Variants in IQCK observed in about 807,000 individuals in gnomAD.
The protein encoded by IQCK is IQ domain-containing protein K.
In IQCK, 29 loss-of-function variants were observed where a neutral mutation model predicts 28.1. That is an observed-to-expected ratio of 1.03 (90% confidence interval 0.77 to 1.41). The LOEUF (loss-of-function observed/expected upper bound fraction) is 1.41. Among genes scored for constraint, IQCK ranks in the 40% most tolerant of loss-of-function variants. The probability of loss-of-function intolerance (pLI) is 0.00; values close to 1 mark genes in which losing one functional copy is unlikely to be tolerated. For missense variants in IQCK, 359 were observed against 314.7 expected (o/e 1.14, Z -1.07); for synonymous variants, 113 against 115.1 (o/e 0.98, Z 0.12).
intron 6 of IQCK, among the ~76,000 whole-genome samples, chr16:19,765,464 G>A (rs936814051): frequency 6.6e-6 from 1 of 151,964 alleles, no homozygotes; most frequent in Non-Finnish European, 1.5e-5. Context: ...CTTGAACCCG[G>A]GTGGTAGAGG....
chr16:19,819,556 C>A, intron 7 of IQCK: 1 of 160,176 alleles, frequency 6.2e-6, no homozygotes, highest in East Asian at 1.6e-4. Context: ...AGAATGTATT[C>A]TATAGACAAT....
At chr16:19,729,617 ATTATT>A (rs1372364027) in intron 1 of IQCK, among the ~76,000 whole-genome samples, 2 of 151,672 alleles carry the variant, frequency 1.3e-5, no homozygotes, top group South Asian at 2.1e-4. Context: ...TACCGACTTT[ATTATT>A]TTATTTTATT....
intron 7 of IQCK, among the ~76,000 whole-genome samples, chr16:19,806,022 A>G (rs1475288023): frequency 6.6e-6 from 1 of 152,212 alleles, no homozygotes; most frequent in Non-Finnish European, 1.5e-5. Context: ...TCCGGTAGTC[A>G]GAAATGCAAA....
In IQCK at chr16:19,855,468, G is replaced by GT. The variant is rs571284673; in HGVS notation, c.803-1018dup. ...TAGCAGGGCGTGGTGGTGCACGCCT[G>GT]TAGCTACTTGGGATGCTGAGGCAGG... On this transcript the variant is annotated intron_variant, in intron 9 of 9. Coordinates refer to the IQCK transcript ENST00000320394. 8.4e-4 allele frequency among the ~76,000 whole-genome samples: 128 copies of GT among 152,292 alleles called. 1 individual carries two copies. The highest frequency in any genetic ancestry group is 2.9e-3 in the African/African-American group (120 of 41,566).
At chr16:19,787,128 G>T (rs1567557336) in intron 6 of IQCK, among the ~76,000 whole-genome samples, 1 of 15,900 alleles carries the variant, frequency 6.3e-5, no homozygotes, top group Non-Finnish European at 1.0e-4. Flanking sequence ...TTTTAAGTCA[G>T]AGTTTTTGGA....
chr16:19,848,751 TGG>T (rs930506460), intron 9 of IQCK, among the ~76,000 whole-genome samples: 1 of 152,118 alleles, frequency 6.6e-6, no homozygotes, highest in African/African-American at 2.4e-5. Flanking sequence ...GGGGCAGAGG[TGG>T]GGTATCATCC....
intron 2 of IQCK, among the ~76,000 whole-genome samples, chr16:19,731,352 C>T (rs958212162): frequency 6.6e-6 from 1 of 152,204 alleles, no homozygotes; most frequent in Non-Finnish European, 1.5e-5. Context: ...CACGGTAACA[C>T]GGATGGAATC....
chr16:19,852,366 A>C (rs1310009005), intron 9 of IQCK, among the ~76,000 whole-genome samples: 1 of 152,092 alleles, frequency 6.6e-6, no homozygotes, highest in Non-Finnish European at 1.5e-5. Context: ...GCACCACTGC[A>C]CTCCAGCCTG....
At chr16:19,753,052 CAG>C (rs111298371) in intron 4 of IQCK, among the ~76,000 whole-genome samples, 737 of 146,640 alleles carry the variant, frequency 5.0e-3, no homozygotes, top group Non-Finnish European at 4.1e-3. Flanking sequence ...TCAAGTGTAG[CAG>C]AGAGAGAGAG....
chr16:19,849,274 T>A (rs2056451312), intron 9 of IQCK, among the ~76,000 whole-genome samples: 1 of 151,640 alleles, frequency 6.6e-6, no homozygotes, highest in Admixed American at 6.6e-5. Flanking sequence ...TTTTTTTTTT[T>A]TATGTATTTG....
At chr16:19,728,480 C>T (rs1474123263) in intron 1 of IQCK, among the ~76,000 whole-genome samples, 1 of 152,140 alleles carries the variant, frequency 6.6e-6, no homozygotes, top group Non-Finnish European at 1.5e-5. Flanking sequence ...AAACTCCTGA[C>T]CTCAAGTGAT....
intron 1 of IQCK, among the ~76,000 whole-genome samples, chr16:19,730,004 G>A (rs1002474226): frequency 2.0e-5 from 3 of 151,112 alleles, no homozygotes; most frequent in Non-Finnish European, 4.4e-5. Flanking sequence ...CAGGCTGGCT[G>A]GAGTGCAGTG....
chr16:19,806,457 G>A lies in IQCK; in HGVS notation c.690+17535G>A, dbSNP rs147078237. On this transcript the variant is annotated intron_variant, in intron 7 of 7. Coordinates refer to ENST00000564186, the Ensembl canonical transcript of IQCK. ...TTTCAGCACTTTGGGAGGCTGAGGC[G>A]GGCAAATCACTTGAGTACAGGAGTT... Among the ~76,000 whole-genome samples, 647 of 152,114 alleles carry A rather than the reference G, an allele frequency of 4.3e-3. 1 individual carries two copies. The highest frequency in any genetic ancestry group is 7.0e-3 in the Non-Finnish European group (478 of 67,992).
At chr16:19,779,017 CTG>C (rs1453520314) in intron 6 of IQCK, among the ~76,000 whole-genome samples, 1 of 152,186 alleles carries the variant, frequency 6.6e-6, no homozygotes, top group Non-Finnish European at 1.5e-5. Context: ...GAGTCTCACT[CTG>C]TTGCCCAGGC....
At chr16:19,724,082 T>C (rs1401520444) in intron 1 of IQCK, among the ~76,000 whole-genome samples, 4 of 152,218 alleles carry the variant, frequency 2.6e-5, no homozygotes, top group African/African-American at 7.2e-5. Flanking sequence ...TGTTGTGTTG[T>C]GTACTTGGAG....
At chr16:19,848,010 G>A (rs4782289) in intron 9 of IQCK, among the ~76,000 whole-genome samples, 17,898 of 152,156 alleles carry the variant, frequency 0.12, 1,104 homozygotes, top group Non-Finnish European at 0.13. Context: ...TTTTTTGACC[G>A]ATGTAAATAC....
At chr16:19,744,567 A>C (rs1413268502) in intron 4 of IQCK, among the ~76,000 whole-genome samples, 3 of 152,258 alleles carry the variant, frequency 2.0e-5, no homozygotes, top group Non-Finnish European at 2.9e-5. Context: ...GATTTCCATG[A>C]ATTATCTCAG....
At chr16:19,754,784 C>G (rs1188791086) in intron 4 of IQCK, among the ~76,000 whole-genome samples, 3 of 151,942 alleles carry the variant, frequency 2.0e-5, no homozygotes, top group Non-Finnish European at 2.9e-5. Flanking sequence ...TGGTCTTGAC[C>G]AATAAGGAAA....
intron 4 of IQCK, among the ~76,000 whole-genome samples, chr16:19,737,666 C>A (rs539536102): frequency 6.6e-6 from 1 of 152,216 alleles, no homozygotes; most frequent in South Asian, 2.1e-4. Flanking sequence ...AGCCCTCAGC[C>A]TAGCTTTCAA....
Sources: allele counts gnomAD v4.1 joint callset (sites outside exome capture counted in the v4.1 genomes callset), GRCh38; gene constraint gnomAD v4.1.1; transcripts MANE v1.5; gene names NCBI Gene and HGNC (gene_info 2026-07-23, HGNC 2026-07-21).